SLC2A13: variants seen among roughly 807,000 people sequenced by gnomAD.
The protein encoded by SLC2A13 is proton myo-inositol cotransporter.
In SLC2A13, 32 loss-of-function variants were observed where a neutral mutation model predicts 64.4. The observed-to-expected ratio is 0.50, with a 90% CI of 0.37 to 0.67. The LOEUF is 0.67. Ranked by LOEUF, SLC2A13 falls within the 30% of genes least tolerant of loss-of-function variation. The pLI is 0.00. For synonymous variants in SLC2A13, 338 were observed against 327.1 expected (o/e 1.03, Z -0.36); for missense variants, 743 against 829.2 (o/e 0.90, Z 1.28).
intron 3 of SLC2A13, among the ~76,000 whole-genome samples, chr12:39,954,945 A>G (rs1246410127): frequency 1.3e-5 from 2 of 152,200 alleles, no homozygotes; most frequent in Non-Finnish European, 2.9e-5. Context: ...AGTAACCGAC[A>G]GAACAAGTAT....
intron 4 of SLC2A13, 157 bp downstream of exon 4, chr12:39,951,099 TA>T: frequency 1.9e-6 from 1 of 535,410 alleles, no homozygotes; most frequent in Non-Finnish European, 3.2e-6. Context: ...TTACTGGAAT[TA>T]AAAAATTGTA....
chr12:39,824,230 T>C (rs1340015366), intron 7 of SLC2A13, among the ~76,000 whole-genome samples: 2 of 152,228 alleles, frequency 1.3e-5, no homozygotes, highest in East Asian at 3.8e-4. Flanking sequence ...GGGTTTTGAA[T>C]GGTCCTAGTT....
At chr12:40,000,198 G>A (rs995060767) in intron 3 of SLC2A13, among the ~76,000 whole-genome samples, 1 of 152,118 alleles carries the variant, frequency 6.6e-6, no homozygotes, top group Non-Finnish European at 1.5e-5. Context: ...ATGTGGTACT[G>A]TAAGTCTATT....
At chr12:39,819,166 G>A (rs1055004798) in intron 7 of SLC2A13, among the ~76,000 whole-genome samples, 1 of 152,108 alleles carries the variant, frequency 6.6e-6, no homozygotes, top group African/African-American at 2.4e-5. Context: ...CACACTTGCA[G>A]TCTCATTTTT....
intron 1 of SLC2A13, among the ~76,000 whole-genome samples, chr12:40,065,833 T>TA (rs1937698052): frequency 6.6e-6 from 1 of 152,220 alleles, no homozygotes; most frequent in African/African-American, 2.4e-5. Context: ...ATAAGTGTTT[T>TA]ATTTCAAAGT....
chr12:40,063,956 T>C (rs1010348205), intron 1 of SLC2A13, among the ~76,000 whole-genome samples: 1 of 152,068 alleles, frequency 6.6e-6, no homozygotes, highest in Non-Finnish European at 1.5e-5. Context: ...AAATATAAAA[T>C]ATATGGCCAG....
At chr12:39,773,688 T>A (rs770523262) in intron 7 of SLC2A13, among the ~76,000 whole-genome samples, 1 of 152,192 alleles carries the variant, frequency 6.6e-6, no homozygotes. Context: ...TTATTCTCCA[T>A]GATGAAATAA....
rs2136313466 is a variant in SLC2A13, at chr12:40,105,417, G to C, written c.392C>G (p.Ala131Gly). ...ELLVSSTVGA[A>G]AVSALAGGAL... The stretch of plus-strand genomic sequence containing the variant: ...GCCTCCGGCCAGCGCCGAGACGGCA[G>C]CCGCCCCCACCGTGCTGGACACCAG... The change falls in exon 1 of 10, where the codon GCT becomes GGT. Residue 131 changes from alanine (A) to glycine (G), a missense_variant. This residue lies in a region of SLC2A13 where 448 missense variants were observed against 447.4 expected (regional missense o/e 1.00). Coordinates refer to ENST00000280871, the MANE Select transcript of SLC2A13 (RefSeq NM_052885.4). This position sits in a 1 kb window ranked among gnomAD's most constrained non-coding sequence, Gnocchi z 4.2. 6.5e-7 allele frequency: 1 copy of C among 1,549,932 alleles called. No homozygotes were observed. Among genetic ancestry groups the C allele is most frequent in the Non-Finnish European group, 8.7e-7 (1 of 1,148,038 alleles).
At chr12:39,874,977 A>T (rs1269334037) in intron 4 of SLC2A13, among the ~76,000 whole-genome samples, 1 of 152,238 alleles carries the variant, frequency 6.6e-6, no homozygotes, top group Non-Finnish European at 1.5e-5. Flanking sequence ...TCTCCCTCTG[A>T]GCAAGAGCTG....
At chr12:39,789,993 T>C (rs1177369939) in intron 7 of SLC2A13, among the ~76,000 whole-genome samples, 1 of 152,078 alleles carries the variant, frequency 6.6e-6, no homozygotes, top group African/African-American at 2.4e-5. Flanking sequence ...AGTAGCCACA[T>C]TCAAAAAGTA....
intron 1 of SLC2A13, among the ~76,000 whole-genome samples, chr12:40,061,955 G>GA (rs780566979): frequency 2.0e-5 from 3 of 151,940 alleles, no homozygotes; most frequent in African/African-American, 4.8e-5. Context: ...AGTATATACA[G>GA]AAAAAGAAAG....
chr12:39,966,902 A>G (rs1043004212), intron 3 of SLC2A13, among the ~76,000 whole-genome samples: 9 of 152,132 alleles, frequency 5.9e-5, no homozygotes, highest in African/African-American at 2.2e-4. Flanking sequence ...CATGACACAA[A>G]TCATAATTCT....
At chr12:40,022,658 G>C (rs1259078860) in intron 3 of SLC2A13, among the ~76,000 whole-genome samples, 1 of 152,162 alleles carries the variant, frequency 6.6e-6, no homozygotes, top group African/African-American at 2.4e-5. Context: ...CCAACGCGGT[G>C]AAACCCCGTC....
intron 1 of SLC2A13, among the ~76,000 whole-genome samples, chr12:40,085,720 T>C (rs1007381009): frequency 2.0e-5 from 3 of 152,226 alleles, no homozygotes; most frequent in African/African-American, 7.2e-5. Flanking sequence ...GAAATGGCTA[T>C]GTTAGAAGGA....
chr12:39,981,408 A>G (rs1188345080), intron 3 of SLC2A13, among the ~76,000 whole-genome samples: 1 of 152,042 alleles, frequency 6.6e-6, no homozygotes, highest in Non-Finnish European at 1.5e-5. Flanking sequence ...GAAAGGATCA[A>G]CAAAATTGAT....
At chr12:39,904,294 G>T (rs1945210553) in intron 4 of SLC2A13, among the ~76,000 whole-genome samples, 1 of 152,128 alleles carries the variant, frequency 6.6e-6, no homozygotes, top group Non-Finnish European at 1.5e-5. Flanking sequence ...CCAAATGGAA[G>T]GCAGATGTTC....
At chr12:39,852,849 T>C (rs1943506890) in intron 6 of SLC2A13, among the ~76,000 whole-genome samples, 1 of 152,168 alleles carries the variant, frequency 6.6e-6, no homozygotes, top group Non-Finnish European at 1.5e-5. Context: ...CAGCCTCTGA[T>C]TGGTAGCCTT....
chr12:39,928,534 G>A (rs567180182), intron 4 of SLC2A13, among the ~76,000 whole-genome samples: 8 of 152,262 alleles, frequency 5.3e-5, no homozygotes, highest in Admixed American at 2.0e-4. Flanking sequence ...TATTAAATGC[G>A]TAACTGGTTA....
chr12:39,818,278 A>G (rs978871237), intron 7 of SLC2A13, among the ~76,000 whole-genome samples: 8 of 150,536 alleles, frequency 5.3e-5, no homozygotes, highest in African/African-American at 1.7e-4. Flanking sequence ...AGTCACAGGA[A>G]AAAAAAAATG....
Sources: gnomAD v4.1 joint callset for allele counts (sites outside exome capture counted in the v4.1 genomes callset) on GRCh38, gnomAD v4.1.1 for gene constraint, gnomAD v4.1.1 regional missense constraint, Gnocchi (gnomAD v3.1) non-coding constraint, MANE v1.5 for transcripts, NCBI Gene and HGNC (gene_info 2026-07-23, HGNC 2026-07-21) for gene names.